Variants in ZBTB20 observed in about 807,000 individuals in gnomAD.
ZBTB20 encodes zinc finger and BTB domain-containing protein 20.
Under a neutral mutation model 56.9 loss-of-function variants are expected in ZBTB20, and 9 were observed. The ratio of observed to expected loss-of-function variants is 0.16; its 90% CI spans 0.10 to 0.28. The LOEUF (loss-of-function observed/expected upper bound fraction) is 0.28. Among genes scored for constraint, ZBTB20 ranks in the 10% least tolerant of loss-of-function variants. ZBTB20 has a pLI of 1.00. For synonymous variants in ZBTB20, 417 were observed against 420.7 expected (o/e 0.99, Z 0.11); for missense variants, 655 against 1,003.0 (o/e 0.65, Z 4.69).
chr3:114,841,161 T>A (rs1315997747), intron 4 of ZBTB20, among the ~76,000 whole-genome samples: 1 of 152,098 alleles, frequency 6.6e-6, no homozygotes, highest in African/African-American at 2.4e-5. Context: ...AAAGTGCACA[T>A]TACAGGAATG....
intron 2 of ZBTB20, among the ~76,000 whole-genome samples, chr3:115,009,680 G>T (rs2079618588): frequency 6.6e-6 from 1 of 151,874 alleles, no homozygotes; most frequent in Admixed American, 6.6e-5. Flanking sequence ...TAGGTCATGA[G>T]GGCTCCACAC....
At chr3:114,597,204 A>G (rs1046905919) in intron 6 of ZBTB20, among the ~76,000 whole-genome samples, 1 of 152,094 alleles carries the variant, frequency 6.6e-6, no homozygotes, top group Non-Finnish European at 1.5e-5. Context: ...AGTCCTACTG[A>G]AAGTAGTGAC....
chr3:114,370,474 G>A (rs905817225), intron 10 of ZBTB20, among the ~76,000 whole-genome samples: 44 of 152,254 alleles, frequency 2.9e-4, no homozygotes, highest in Admixed American at 6.5e-4. Context: ...TGTGGCACCT[G>A]ATACTGACTG....
Position 114,352,341 on chromosome 3 carries a change from C to T in ZBTB20, c.200-463G>A, listed in dbSNP as rs528198439. On this transcript the variant is annotated intron_variant, in intron 10 of 11. Coordinates refer to ENST00000675478, the MANE Select transcript of ZBTB20 (RefSeq NM_001348800.3). Reference sequence around the variant, plus strand: ...ATTCTTTGGGAAAGTTTACATTTCCCCCAACTTATCAAAGTCCCTTATTTT... The same window carrying T: ...ATTCTTTGGGAAAGTTTACATTTCCTCCAACTTATCAAAGTCCCTTATTTT... Among the ~76,000 whole-genome samples, 7 of 152,300 alleles carry T rather than the reference C, an allele frequency of 4.6e-5. No homozygotes were observed. In the South Asian group the frequency reaches 6.2e-4, roughly 14 times the overall value.
At chr3:114,651,956 G>A (rs1331363922) in intron 6 of ZBTB20, among the ~76,000 whole-genome samples, 2 of 152,002 alleles carry the variant, frequency 1.3e-5, no homozygotes, top group Admixed American at 6.6e-5. Context: ...AGGGACCAGG[G>A]TAGCCATTAG....
intron 4 of ZBTB20, among the ~76,000 whole-genome samples, chr3:114,831,087 CTTTTTTTTTTTT>C (rs57265260): frequency 9.0e-5 from 5 of 55,550 alleles, no homozygotes; most frequent in African/African-American, 1.5e-4. Flanking sequence ...TTTCTTTCTT[CTTTTTTTTTTTT>C]TTTTTTTTTT....
At chr3:114,756,087 T>A (rs987495218) in intron 5 of ZBTB20, among the ~76,000 whole-genome samples, 1 of 152,198 alleles carries the variant, frequency 6.6e-6, no homozygotes, top group African/African-American at 2.4e-5. Flanking sequence ...GCTGCAATCA[T>A]GTATTTATGT....
chr3:114,765,794 A>G lies in ZBTB20; in HGVS notation c.-343+35307T>C, dbSNP rs142207094. ...GCAGAAATAAAGCATTCAGTGTTTG[A>G]GTGGCACAAATATCGAAACAATAAA... On this transcript the variant is annotated intron_variant, in intron 5 of 11. Coordinates refer to ENST00000675478, the MANE Select transcript of ZBTB20 (RefSeq NM_001348800.3). Among the ~76,000 whole-genome samples, 252 of 152,308 alleles carry G rather than the reference A, an allele frequency of 1.7e-3. 1 individual carries two copies. Among genetic ancestry groups the G allele is most frequent in the Non-Finnish European group, 2.0e-3 (137 of 68,014 alleles).
chr3:114,866,488 C>T (rs116607761), intron 4 of ZBTB20, among the ~76,000 whole-genome samples: 3 of 152,264 alleles, frequency 2.0e-5, no homozygotes, highest in African/African-American at 7.2e-5. Flanking sequence ...TTTTATAGGT[C>T]AACTTGACTG....
At chr3:114,701,011 C>A (rs1217372589) in intron 5 of ZBTB20, among the ~76,000 whole-genome samples, 1 of 152,194 alleles carries the variant, frequency 6.6e-6, no homozygotes, top group Non-Finnish European at 1.5e-5. Context: ...TGTATTCTGA[C>A]CCTTCCCCTA....
At chr3:114,597,069 G>A (rs2056377961) in intron 6 of ZBTB20, among the ~76,000 whole-genome samples, 1 of 152,034 alleles carries the variant, frequency 6.6e-6, no homozygotes, top group Admixed American at 6.6e-5. Flanking sequence ...AAGGCCCACA[G>A]GCACAGATAA....
intron 6 of ZBTB20, among the ~76,000 whole-genome samples, chr3:114,578,986 A>G (rs978913854): frequency 2.0e-5 from 3 of 151,806 alleles, no homozygotes; most frequent in African/African-American, 7.2e-5. Flanking sequence ...TAGTAACAAG[A>G]TTGATACTTA....
chr3:114,685,883 T>C (rs533847564), intron 6 of ZBTB20, among the ~76,000 whole-genome samples: 8 of 152,154 alleles, frequency 5.3e-5, no homozygotes, highest in Non-Finnish European at 1.0e-4. Flanking sequence ...ACTCCTTTAC[T>C]TCACCAACCT....
At chr3:114,522,749 TG>T (rs2046782428) in intron 6 of ZBTB20, among the ~76,000 whole-genome samples, 1 of 152,154 alleles carries the variant, frequency 6.6e-6, no homozygotes, top group African/African-American at 2.4e-5. Flanking sequence ...AATACAGGTC[TG>T]GGAGAGAAAT....
chr3:114,782,766 T>C (rs1319794581), intron 5 of ZBTB20, among the ~76,000 whole-genome samples: 2 of 152,160 alleles, frequency 1.3e-5, no homozygotes, highest in Non-Finnish European at 2.9e-5. Flanking sequence ...AGCAGGATCT[T>C]GATGCAAATA....
At chr3:114,891,329 T>C (rs1475039048) in intron 4 of ZBTB20, among the ~76,000 whole-genome samples, 1 of 152,194 alleles carries the variant, frequency 6.6e-6, no homozygotes, top group Non-Finnish European at 1.5e-5. Context: ...CAAATCCAGG[T>C]CTAAGCATGC....
intron 6 of ZBTB20, among the ~76,000 whole-genome samples, chr3:114,662,778 T>G (rs1339990643): frequency 2.0e-5 from 3 of 151,944 alleles, no homozygotes; most frequent in Non-Finnish European, 2.9e-5. Context: ...TAAATTTGTT[T>G]GAGTTCATTG....
chr3:114,594,077 G>A (rs2056079531), intron 6 of ZBTB20, among the ~76,000 whole-genome samples: 1 of 152,022 alleles, frequency 6.6e-6, no homozygotes, highest in African/African-American at 2.4e-5. Flanking sequence ...AGTAGACAAA[G>A]TATATACTAA....
chr3:114,551,483 A>G (rs1288321331), intron 6 of ZBTB20, among the ~76,000 whole-genome samples: 1 of 152,232 alleles, frequency 6.6e-6, no homozygotes. Flanking sequence ...GTTGCATGGG[A>G]GAGCTAAAGA....
Sources: gnomAD v4.1 joint callset for allele counts (sites outside exome capture counted in the v4.1 genomes callset) on GRCh38, gnomAD v4.1.1 for gene constraint, MANE v1.5 for transcripts, NCBI Gene and HGNC (gene_info 2026-07-23, HGNC 2026-07-21) for gene names.